TACR3: variants seen among roughly 807,000 people sequenced by gnomAD.
The protein encoded by TACR3 is tachykinin receptor 3.
In TACR3, 34 loss-of-function variants were observed where a neutral mutation model predicts 35.0. The ratio of observed to expected loss-of-function variants is 0.97; its 90% CI spans 0.74 to 1.30. TACR3 has a LOEUF of 1.30. Ranked by LOEUF, TACR3 falls within the 50% of genes most tolerant of loss-of-function variation. TACR3 has a pLI of 0.00. For synonymous variants in TACR3, 233 were observed against 221.1 expected, an observed-to-expected ratio of 1.05 and a Z score of -0.48; for missense variants, 558 against 591.7, an observed-to-expected ratio of 0.94 and a Z score of 0.59.
At chr4:103,626,714 T>G (rs1325293646) in intron 3 of TACR3, among the ~76,000 whole-genome samples, 2 of 152,150 alleles carry the variant, frequency 1.3e-5, no homozygotes, top group African/African-American at 4.8e-5. Context: ...GGCATTGTGT[T>G]TGTTGTTGTT....
At chr4:103,681,167 T>C (rs572304929) in intron 1 of TACR3, among the ~76,000 whole-genome samples, 39 of 152,142 alleles carry the variant, frequency 2.6e-4, no homozygotes, top group African/African-American at 9.4e-4. Flanking sequence ...AGATAAAATG[T>C]CACTTTAGTT....
intron 3 of TACR3, among the ~76,000 whole-genome samples, chr4:103,636,162 T>A (rs983872636): frequency 2.0e-5 from 3 of 151,414 alleles, no homozygotes; most frequent in Non-Finnish European, 4.4e-5. Flanking sequence ...GTTAATTAAC[T>A]AAGGAGAATT....
intron 3 of TACR3, among the ~76,000 whole-genome samples, chr4:103,596,719 C>T (rs536340566): frequency 2.0e-4 from 30 of 152,004 alleles, no homozygotes; most frequent in Non-Finnish European, 4.1e-4. Context: ...TCGTCATTTA[C>T]ATTAGGTATA....
At chr4:103,677,520 CA>C (rs1560527365) in intron 1 of TACR3, among the ~76,000 whole-genome samples, 1 of 152,178 alleles carries the variant, frequency 6.6e-6, no homozygotes, top group Non-Finnish European at 1.5e-5. Context: ...GAATACTATG[CA>C]GCCCTAAAAA....
rs192485520 is a variant in TACR3 at position 103,586,682 on chromosome 4, T to A, written c.*3000A>T. ...GCAGGATTTGGAAAAGGACATGAAT[T>A]CAGCTGCTGGGTCAGAAATGTCACC... On this transcript the variant is annotated 3_prime_UTR_variant, in exon 5 of 5. Transcript: ENST00000304883. 3 of 152,172 alleles carry A rather than the reference T, an allele frequency of 2.0e-5. No homozygotes were observed. The East Asian group carries it at 5.8e-4, about 29-fold the overall frequency. The allele number at this position is 152,172 out of a possible 1,614,324, so 9.4% of individuals were successfully genotyped here.
intron 1 of TACR3, among the ~76,000 whole-genome samples, chr4:103,662,803 C>G (rs995018320): frequency 3.9e-5 from 6 of 152,102 alleles, no homozygotes; most frequent in African/African-American, 1.4e-4. Context: ...TCACCAGAAG[C>G]TAGGTTAAGA....
At chr4:103,715,974 T>A (rs1723080701) in intron 1 of TACR3, among the ~76,000 whole-genome samples, 1 of 152,198 alleles carries the variant, frequency 6.6e-6, no homozygotes, top group Non-Finnish European at 1.5e-5. Context: ...AGGTAATGAC[T>A]TTGTCTAATC....
intron 3 of TACR3, among the ~76,000 whole-genome samples, chr4:103,603,325 C>T (rs985884471): frequency 7.2e-5 from 11 of 152,208 alleles, no homozygotes; most frequent in African/African-American, 2.7e-4. Context: ...AAGGGAATTC[C>T]CTTACCCCTT....
At chr4:103,683,492 A>AAAT (rs1210851495) in intron 1 of TACR3, among the ~76,000 whole-genome samples, 1 of 148,976 alleles carries the variant, frequency 6.7e-6, no homozygotes, top group Non-Finnish European at 1.5e-5. Flanking sequence ...AAAAAAAAAA[A>AAAT]AAAGAGAGAG....
chr4:103,611,407 AT>A (rs1168926231), intron 3 of TACR3, among the ~76,000 whole-genome samples: 7 of 151,986 alleles, frequency 4.6e-5, no homozygotes, highest in Non-Finnish European at 8.8e-5. Context: ...TGATTTCTTA[AT>A]TTCTTTTTTA....
intron 1 of TACR3, among the ~76,000 whole-genome samples, chr4:103,678,680 G>A (rs1192264796): frequency 1.3e-5 from 2 of 151,942 alleles, no homozygotes; most frequent in Non-Finnish European, 2.9e-5. Context: ...AGATAGCAGT[G>A]GGTACTACGC....
chr4:103,604,248 C>T (rs1228334095), intron 3 of TACR3, among the ~76,000 whole-genome samples: 2 of 152,048 alleles, frequency 1.3e-5, no homozygotes, highest in South Asian at 2.1e-4. Context: ...CATCTACAAC[C>T]ATCTGATCTT....
intron 1 of TACR3, among the ~76,000 whole-genome samples, chr4:103,690,495 T>A (rs1221967249): frequency 6.6e-6 from 1 of 152,034 alleles, no homozygotes; most frequent in Non-Finnish European, 1.5e-5. Context: ...TCAATATGCA[T>A]GAAGCAAAAA....
intron 1 of TACR3, among the ~76,000 whole-genome samples, chr4:103,693,902 G>A (rs1722466323): frequency 6.6e-6 from 1 of 151,956 alleles, no homozygotes; most frequent in Admixed American, 6.6e-5. Flanking sequence ...ATTTATGTTA[G>A]TGCTCAGTGC....
chr4:103,636,374 TG>T (rs1300582227), intron 3 of TACR3, among the ~76,000 whole-genome samples: 1 of 152,004 alleles, frequency 6.6e-6, no homozygotes, highest in Non-Finnish European at 1.5e-5. Context: ...AGTTTTTTTC[TG>T]AGAATTAATT....
chr4:103,636,280 G>T (rs946753341), intron 3 of TACR3, among the ~76,000 whole-genome samples: 1 of 151,914 alleles, frequency 6.6e-6, no homozygotes, highest in Admixed American at 6.6e-5. Flanking sequence ...GTATTGAGCA[G>T]ATATACAATT....
intron 3 of TACR3, among the ~76,000 whole-genome samples, chr4:103,600,296 T>A (rs11936255): frequency 0.016 from 2,487 of 152,226 alleles, 54 homozygotes; most frequent in African/African-American, 0.057. Flanking sequence ...GGGATCAGTG[T>A]TGATATCCCC....
intron 3 of TACR3, among the ~76,000 whole-genome samples, chr4:103,633,976 C>A (rs75854568): frequency 0.029 from 4,481 of 152,090 alleles, 91 homozygotes; most frequent in Middle Eastern, 0.065. Flanking sequence ...GAAATAAGCA[C>A]CTAGAAATTC....
intron 1 of TACR3, among the ~76,000 whole-genome samples, chr4:103,675,199 C>G (rs951390012): frequency 1.3e-5 from 2 of 152,146 alleles, no homozygotes; most frequent in African/African-American, 4.8e-5. Flanking sequence ...TCTATCAATG[C>G]TTGGATCTTG....
Sources: allele counts gnomAD v4.1 joint callset (sites outside exome capture counted in the v4.1 genomes callset), GRCh38; gene constraint gnomAD v4.1.1; transcripts MANE v1.5; gene names NCBI Gene and HGNC (gene_info 2026-07-23, HGNC 2026-07-21).